Variants in UBE2D2 observed in about 807,000 individuals in gnomAD.
UBE2D2 encodes the protein ubiquitin conjugating enzyme E2 D2.
UBE2D2 carries 2 observed loss-of-function variants against 24.2 expected under a neutral mutation model. The ratio of observed to expected loss-of-function variants is 0.08; its 90% CI spans 0.03 to 0.26. The LOEUF (loss-of-function observed/expected upper bound fraction) is 0.26. UBE2D2 is among the 10% of genes least tolerant of loss of function. The pLI is 1.00. For synonymous variants in UBE2D2, 58 were observed against 56.5 expected, an observed-to-expected ratio of 1.03 and a Z score of -0.12; for missense variants, 44 against 177.6, an observed-to-expected ratio of 0.25 and a Z score of 4.28.
At chr5:139,597,401 TTGAA>T (rs1304393502) in intron 1 of UBE2D2, among the ~76,000 whole-genome samples, 2 of 152,192 alleles carry the variant, frequency 1.3e-5, no homozygotes, top group Non-Finnish European at 2.9e-5. Context: ...CAAGGAAGTG[TTGAA>T]TGAGTGTGTT....
chr5:139,609,231 T>A lies in UBE2D2; in HGVS notation c.89-5355T>A, dbSNP rs192806593. Reference sequence around the variant, plus strand: ...TAAATGGTTAATGGAAAATTTAATTTTTTTAATTGTCTCAATATTTTTATA... The same window carrying A: ...TAAATGGTTAATGGAAAATTTAATTATTTTAATTGTCTCAATATTTTTATA... On this transcript the variant is annotated intron_variant, in intron 2 of 6. Coordinates refer to ENST00000398733, the MANE Select transcript of UBE2D2 (RefSeq NM_003339.3). Among the ~76,000 whole-genome samples the A allele has an allele frequency of 2.6e-4, 39 of 152,286 alleles. 1 individual carries two copies. The highest frequency in any genetic ancestry group is 8.9e-4 in the African/African-American group (37 of 41,566).
At chr5:139,550,545 G>C (rs886145259) in intron 1 of UBE2D2, among the ~76,000 whole-genome samples, 2 of 152,110 alleles carry the variant, frequency 1.3e-5, no homozygotes, top group East Asian at 1.9e-4. Flanking sequence ...GTGGCAACTG[G>C]CTCAGGTTCT....
intron 2 of UBE2D2, among the ~76,000 whole-genome samples, chr5:139,604,432 C>T (rs1754152881): frequency 6.6e-6 from 1 of 152,034 alleles, no homozygotes; most frequent in Non-Finnish European, 1.5e-5. Context: ...GCCACCCCAC[C>T]CAGCTGTTTA....
At position 139,561,513 on chromosome 5, in the gene UBE2D2, TC is replaced by T. The variant is rs1410058660; in HGVS notation, c.-277del. The T allele has an allele frequency of 4.9e-6, 2 of 406,228 alleles. No homozygotes were observed. The highest frequency in any genetic ancestry group is 6.5e-5 in the South Asian group (1 of 15,284). The allele number at this position is 406,228 out of a possible 1,614,324, so 25.2% of individuals were successfully genotyped here. ...GCGGCGGTTTAGGAGGCGGCGCTGA[TC>T]CTGGGAGGAAGAGGCAGCTACGGCG... On this transcript the variant is annotated 5_prime_UTR_variant, in exon 1 of 7. Transcript: ENST00000398733.
At chr5:139,536,047 C>A (rs1436643111) in intron 1 of UBE2D2, among the ~76,000 whole-genome samples, 1 of 151,784 alleles carries the variant, frequency 6.6e-6, no homozygotes, top group Non-Finnish European at 1.5e-5. Context: ...CACCCACCAC[C>A]ACACCCGGCT....
chr5:139,544,499 C>A (rs769346915), intron 1 of UBE2D2, among the ~76,000 whole-genome samples: 10 of 151,686 alleles, frequency 6.6e-5, no homozygotes, highest in Non-Finnish European at 1.2e-4. Flanking sequence ...CCATGTTGGC[C>A]AGGCTGGCCT....
At chr5:139,561,319 G>A (rs1753076255), upstream of UBE2D2, 1 of 154,380 alleles carries the variant, frequency 6.5e-6, no homozygotes, top group Non-Finnish European at 1.4e-5. Flanking sequence ...CCCTCGGTCG[G>A]GCCCACCCCG....
At chr5:139,535,576 C>G (rs1752659462) in intron 1 of UBE2D2, among the ~76,000 whole-genome samples, 1 of 151,864 alleles carries the variant, frequency 6.6e-6, no homozygotes, top group Admixed American at 6.6e-5. Context: ...TTGCAGTGAG[C>G]CGAGATCACA....
intron 5 of UBE2D2, among the ~76,000 whole-genome samples, chr5:139,617,821 C>T (rs567148225): frequency 2.0e-5 from 3 of 151,676 alleles, no homozygotes; most frequent in Admixed American, 6.6e-5. Flanking sequence ...ATTGTTGTTA[C>T]GAAGATTAAA....
chr5:139,605,508 C>T (rs1754177822), intron 2 of UBE2D2, among the ~76,000 whole-genome samples: 1 of 139,728 alleles, frequency 7.2e-6, no homozygotes, highest in Admixed American at 7.7e-5. Context: ...AGGAGAATGG[C>T]GTGAACCCGG....
intron 1 of UBE2D2, among the ~76,000 whole-genome samples, chr5:139,565,152 CT>C (rs1254591344): frequency 6.6e-6 from 1 of 152,106 alleles, no homozygotes; most frequent in African/African-American, 2.4e-5. Context: ...CATCTGGGTT[CT>C]GATAAGATTT....
chr5:139,623,665 A>C, intron 6 of UBE2D2: 4 of 410,650 alleles, frequency 9.7e-6, no homozygotes, highest in South Asian at 8.0e-5. Context: ...GTTTCACGTG[A>C]CTCCTCTTGT....
At chr5:139,583,352 A>C (rs1018162019) in intron 1 of UBE2D2, among the ~76,000 whole-genome samples, 11 of 152,244 alleles carry the variant, frequency 7.2e-5, no homozygotes, top group Non-Finnish European at 1.3e-4. Flanking sequence ...AAGTATGTGA[A>C]GTAAATAAGT....
chr5:139,557,624 C>G (rs2126642928), upstream of UBE2D2, among the ~76,000 whole-genome samples: 1 of 151,784 alleles, frequency 6.6e-6, no homozygotes, highest in East Asian at 2.0e-4. Flanking sequence ...TGGTGCACAC[C>G]TGTATCCCAG....
At chr5:139,548,193 A>ATAAAAAT in intron 1 of UBE2D2, among the ~76,000 whole-genome samples, 1 of 47,114 alleles carries the variant, frequency 2.1e-5, no homozygotes, top group East Asian at 6.6e-4. Context: ...ATAAAAAAAA[A>ATAAAAAT]AAATAAATAA....
intron 1 of UBE2D2, among the ~76,000 whole-genome samples, chr5:139,571,010 C>T (rs182979043): frequency 6.6e-6 from 1 of 152,310 alleles, no homozygotes; most frequent in African/African-American, 2.4e-5. Context: ...ACTGTCCTTC[C>T]ACCTTAAACA....
At chr5:139,600,212 C>A in intron 1 of UBE2D2, 160 bp from the exon 2 acceptor site, 1 of 815,180 alleles carries the variant, frequency 1.2e-6, no homozygotes, top group Non-Finnish European at 2.0e-6. Flanking sequence ...ATCCAAAATA[C>A]CTTAAAGATT....
chr5:139,548,175 A>AAAAAAAT (rs1752859399), intron 1 of UBE2D2, among the ~76,000 whole-genome samples: 1 of 38,388 alleles, frequency 2.6e-5, no homozygotes, highest in Non-Finnish European at 4.4e-5. Flanking sequence ...AAAAAAAAAA[A>AAAAAAAT]AAAAAAAATA....
intron 1 of UBE2D2, among the ~76,000 whole-genome samples, chr5:139,569,762 A>G (rs1488928340): frequency 6.6e-6 from 1 of 152,202 alleles, no homozygotes; most frequent in African/African-American, 2.4e-5. Context: ...GTCTGAATTG[A>G]GAACCTGGAT....
Sources: allele counts gnomAD v4.1 joint callset (sites outside exome capture counted in the v4.1 genomes callset), GRCh38; gene constraint gnomAD v4.1.1; transcripts MANE v1.5; gene names NCBI Gene and HGNC (gene_info 2026-07-23, HGNC 2026-07-21).